ADIPOQ: variants seen among roughly 807,000 people sequenced by gnomAD.
The protein encoded by ADIPOQ is adiponectin.
In ADIPOQ, 19 loss-of-function variants were observed where a neutral mutation model predicts 16.1. The ratio of observed to expected loss-of-function variants is 1.18; its 90% CI spans 0.82 to 1.73. ADIPOQ has a LOEUF of 1.73. Among genes scored for constraint, ADIPOQ ranks in the 40% most tolerant of loss-of-function variants. The pLI is 0.00. For missense variants in ADIPOQ, 323 were observed against 308.3 expected, an observed-to-expected ratio of 1.05 and a Z score of -0.36; for synonymous variants, 124 against 125.5, an observed-to-expected ratio of 0.99 and a Z score of 0.08.
Position 186,854,286 on chromosome 3 carries a change from A to C in ADIPOQ, c.317A>C (p.Glu106Ala). 6.2e-7 allele frequency: 1 copy of C among 1,614,096 alleles called. No homozygotes were observed. The highest frequency in any genetic ancestry group is 8.5e-7 in the Non-Finnish European group (1 of 1,179,946). The change falls in exon 3 of 3, where the codon GAA becomes GCA. Residue 106 changes from glutamate (E) to alanine (A), a missense_variant. By Grantham distance (107) the Glu-to-Ala change is moderately radical. Coordinates refer to ENST00000320741, the MANE Select transcript of ADIPOQ (RefSeq NM_004797.4). ...CAAGGCAGGAAAGGAGAACCTGGAG[A>C]AGGTGCCTATGTATACCGCTCAGCA... ...GIQGRKGEPG[E>A]GAYVYRSAFS...
chr3:186,846,078 T>G (rs1316629803), intron 1 of ADIPOQ, among the ~76,000 whole-genome samples: 2 of 151,044 alleles, frequency 1.3e-5, no homozygotes, highest in African/African-American at 2.5e-5. Context: ...ATGGAGTTAT[T>G]GTAAAGATGA....
At position 186,854,460 on chromosome 3, in the gene ADIPOQ, T is replaced by C. The variant is rs185847354; in HGVS notation, c.491T>C (p.Ile164Thr). 1.5e-4 allele frequency: 250 copies of C among 1,614,226 alleles called. No homozygotes were observed. In the East Asian group the frequency reaches 5.4e-3, roughly 35 times the overall value. Residue 164 changes from isoleucine (I) to threonine (T), a missense_variant, in exon 3 of 3, where the codon ATC (isoleucine) becomes ACC (threonine). Physicochemically the swap from Ile to Thr is moderately conservative, Grantham distance 89. Transcript: ENST00000320741. ...IPGLYYFAYH[I>T]TVYMKDVKVS... ...GGGCTGTACTACTTTGCCTACCACA[T>C]CACAGTCTATATGAAGGATGTGAAG...
rs752360035 is a variant in ADIPOQ at position 186,854,779 on chromosome 3, GTTGA to G, written c.*78_*81del. 118 of 1,560,270 alleles carry G rather than the reference GTTGA, an allele frequency of 7.6e-5. No individual in the cohort carries two copies. The highest frequency in any genetic ancestry group is 9.9e-5 in the Non-Finnish European group (113 of 1,136,844). On this transcript the variant is annotated 3_prime_UTR_variant, in exon 3 of 3. Transcript: ENST00000320741. ...TAAAGGCTTTCAGTACGGTTAGGAAGTTGATTATTATTTAGTTGGAGGCCTTTAG... is the reference window on the plus strand; with the variant it reads ...TAAAGGCTTTCAGTACGGTTAGGAAGTTATTATTTAGTTGGAGGCCTTTAG...
intron 2 of ADIPOQ, 146 bp from the exon 3 acceptor site, chr3:186,854,038 C>T (rs1033780417): frequency 3.8e-6 from 3 of 796,288 alleles, no homozygotes; most frequent in Non-Finnish European, 5.9e-6. Context: ...GGTAACACCT[C>T]TCTCCTTTTG....
At chr3:186,850,331 A>T (rs1263775395) in intron 1 of ADIPOQ, among the ~76,000 whole-genome samples, 1 of 151,430 alleles carries the variant, frequency 6.6e-6, no homozygotes, top group Non-Finnish European at 1.5e-5. Flanking sequence ...TCCTTTGCTC[A>T]CTAAACTGAC....
chr3:186,854,241 CCCGAGGCTTT>C lies in ADIPOQ; in HGVS notation c.276_285del (p.Gly93GlufsTer73), dbSNP rs777532127. On this transcript the variant is annotated frameshift_variant, in exon 3 of 3. Transcript: ENST00000320741. LOFTEE classifies it high-confidence loss of function. ...ACCGGAGTACCCGGGGCTGAAGGTC[CCCGAGGCTTT>C]CCGGGAATCCAAGGCAGGAAAGGAG... 29 of 1,613,456 alleles carry C rather than the reference CCCGAGGCTTT, an allele frequency of 1.8e-5. No homozygotes were observed. Among genetic ancestry groups the C allele is most frequent in the Middle Eastern group, 1.6e-4 (1 of 6,080 alleles).
At chr3:186,852,241 C>T (rs1475704765) in intron 1 of ADIPOQ, 1 of 152,398 alleles carries the variant, frequency 6.6e-6, no homozygotes, top group African/African-American at 2.4e-5. Context: ...ACTGGAGAAA[C>T]ACAGAGGGGA....
chr3:186,853,995 G>A (rs1233524172), intron 2 of ADIPOQ, 189 bp from the exon 3 acceptor site: 4 of 604,540 alleles, frequency 6.6e-6, no homozygotes, highest in Non-Finnish European at 8.6e-6. Flanking sequence ...AATTATGGGA[G>A]CCTCCATGTC....
At chr3:186,852,740 C>A in intron 1 of ADIPOQ, 1 of 313,926 alleles carries the variant, frequency 3.2e-6, no homozygotes. Flanking sequence ...GGAGCTTTCC[C>A]TGTGCTTGGT....
At position 186,855,853 on chromosome 3, in the gene ADIPOQ, T is replaced by A. The variant is rs146300271; in HGVS notation, c.*1149T>A. 2 of 152,344 alleles carry A rather than the reference T, an allele frequency of 1.3e-5. No homozygotes were observed. The highest frequency in any genetic ancestry group is 2.9e-5 in the Non-Finnish European group (2 of 68,048). 9.4% of individuals were successfully genotyped at this position (152,344 alleles called of 1,614,324 possible). ...CTGCCCAGGAAGGACTGTGCTTCCG[T>A]CACCTCTAAATCCCTTGCAGATCCT... On this transcript the variant is annotated 3_prime_UTR_variant, in exon 3 of 3. Transcript: ENST00000320741.
At chr3:186,852,782 T>C in intron 1 of ADIPOQ, 1 of 443,494 alleles carries the variant, frequency 2.3e-6, no homozygotes. Flanking sequence ...ATTAGAGGAG[T>C]GTCATCTGTG....
At chr3:186,843,532 T>G (rs1435918865) in intron 1 of ADIPOQ, among the ~76,000 whole-genome samples, 2 of 151,648 alleles carry the variant, frequency 1.3e-5, no homozygotes, top group East Asian at 3.9e-4. Flanking sequence ...TGATGGCAGG[T>G]GCCTGTAATC....
At chr3:186,852,996 G>A in intron 1 of ADIPOQ, 55 bp from the exon 2 acceptor site, 7 of 1,572,476 alleles carry the variant, frequency 4.5e-6, no homozygotes, top group Non-Finnish European at 6.1e-6. Flanking sequence ...GTCCCAACTG[G>A]GTGTGTGTGT....
chr3:186,843,660 C>CAAA (rs35615373), intron 1 of ADIPOQ, among the ~76,000 whole-genome samples: 14 of 126,714 alleles, frequency 1.1e-4, no homozygotes, highest in Admixed American at 3.3e-4. Context: ...GACTTTGTGT[C>CAAA]AAAAAAAAAA....
intron 1 of ADIPOQ, among the ~76,000 whole-genome samples, chr3:186,850,168 G>T (rs1032753551): frequency 6.6e-6 from 1 of 151,408 alleles, no homozygotes; most frequent in Non-Finnish European, 1.5e-5. Context: ...TACTTGGGAG[G>T]CTAAGGCATG....
Position 186,857,916 on chromosome 3 carries a change from TCTTC to T in ADIPOQ, c.*3220_*3223del, listed in dbSNP as rs1300659763. On this transcript the variant is annotated 3_prime_UTR_variant, in exon 3 of 3. Coordinates refer to ENST00000320741, the MANE Select transcript of ADIPOQ (RefSeq NM_004797.4). ...CCTTTTCTTTCTTCCTTCCTTTCTT[TCTTC>T]CTTCCTTTCTTTCTCTCTCTCTCTC... 2 of 151,186 alleles carry T rather than the reference TCTTC, an allele frequency of 1.3e-5. No homozygotes were observed. The highest frequency in any genetic ancestry group is 2.9e-5 in the Non-Finnish European group (2 of 67,840). 9.4% of individuals were successfully genotyped at this position (151,186 alleles called of 1,614,324 possible).
At chr3:186,850,050 C>T (rs759418442) in intron 1 of ADIPOQ, among the ~76,000 whole-genome samples, 6 of 152,138 alleles carry the variant, frequency 3.9e-5, no homozygotes, top group Admixed American at 2.0e-4. Flanking sequence ...GGGCGGATCA[C>T]CTGAGGTCAG....
Position 186,856,420 on chromosome 3 carries a change from T to G in ADIPOQ, c.*1716T>G, listed in dbSNP as rs1430504901. The G allele has an allele frequency of 2.0e-5, 3 of 152,218 alleles. No homozygotes were observed. Among genetic ancestry groups the G allele is most frequent in the Non-Finnish European group, 4.4e-5 (3 of 68,038 alleles). 9.4% of individuals were successfully genotyped at this position (152,218 alleles called of 1,614,324 possible). A position where few individuals can be genotyped will look rare whatever the true frequency, so the allele number is the denominator to read the frequency against. On this transcript the variant is annotated 3_prime_UTR_variant, in exon 3 of 3. Coordinates refer to ENST00000320741, the MANE Select transcript of ADIPOQ (RefSeq NM_004797.4). ...ATGTGTATTGCTAATCATTAAGGTA[T>G]TATTTTTTCCACATATAAAGCTTTG...
At chr3:186,853,377 GC>G (rs930825541) in intron 2 of ADIPOQ, 105 bp downstream of exon 2, 57 of 1,406,556 alleles carry the variant, frequency 4.1e-5, no homozygotes, top group Non-Finnish European at 5.5e-5. Context: ...AGAAAGCAAA[GC>G]TTTTTTATGT....
Sources: allele counts gnomAD v4.1 joint callset (sites outside exome capture counted in the v4.1 genomes callset), GRCh38; gene constraint gnomAD v4.1.1; transcripts MANE v1.5; gene names NCBI Gene and HGNC (gene_info 2026-07-23, HGNC 2026-07-21).